Variants in CACNA1E observed in about 807,000 individuals in gnomAD.
The protein encoded by CACNA1E is voltage-dependent R-type calcium channel subunit alpha-1E.
Under a neutral mutation model 259.2 loss-of-function variants are expected in CACNA1E, and 40 were observed. The ratio of observed to expected loss-of-function variants is 0.15; its 90% confidence interval spans 0.12 to 0.20. The LOEUF is 0.20. Among genes scored for constraint, CACNA1E ranks in the 10% least tolerant of loss-of-function variants. The pLI is 1.00. For missense variants in CACNA1E, 1,874 were observed against 3,040.1 expected, an observed-to-expected ratio of 0.62 and a Z score of 9.02; for synonymous variants, 1,104 against 1,138.5, an observed-to-expected ratio of 0.97 and a Z score of 0.61.
intron 7 of CACNA1E, among the ~76,000 whole-genome samples, chr1:181,654,742 T>G (rs886829359): frequency 2.6e-5 from 4 of 152,170 alleles, no homozygotes; most frequent in African/African-American, 9.7e-5. Context: ...CCCAGCACTT[T>G]GGGAGGCCGA....
In CACNA1E at chr1:181,798,221, C is replaced by A; in HGVS notation, c.6400-71C>A. On this transcript the variant is annotated intron_variant, in intron 47 of 47. Coordinates refer to ENST00000367573, the MANE Select transcript of CACNA1E (RefSeq NM_001205293.3). This position sits in a 1 kb window ranked among gnomAD's most constrained non-coding sequence, Gnocchi z 4.2. Reference sequence around the variant, plus strand: ...TGACAGAATTCAGATTCCAAGGACTCTCTTAACAGAGTTGCAAGTAGGGAT... The same window carrying A: ...TGACAGAATTCAGATTCCAAGGACTATCTTAACAGAGTTGCAAGTAGGGAT... 1 of 1,290,194 alleles carries A rather than the reference C, an allele frequency of 7.8e-7. No homozygotes were observed. The highest frequency in any genetic ancestry group is 1.1e-6 in the Non-Finnish European group (1 of 928,278). 79.9% of individuals were successfully genotyped at this position (1,290,194 alleles called of 1,614,324 possible).
At chr1:181,713,785 C>G (rs1653628304) in intron 8 of CACNA1E, among the ~76,000 whole-genome samples, 1 of 152,148 alleles carries the variant, frequency 6.6e-6, no homozygotes, top group Non-Finnish European at 1.5e-5. Flanking sequence ...CAGGATCCCA[C>G]CAGACTTGGG....
At chr1:181,782,223 A>T (rs1448865918) in intron 39 of CACNA1E, among the ~76,000 whole-genome samples, 1 of 152,254 alleles carries the variant, frequency 6.6e-6, no homozygotes, top group African/African-American at 2.4e-5. Context: ...ATTCAGCATT[A>T]AATTTGACTT....
intron 7 of CACNA1E, among the ~76,000 whole-genome samples, chr1:181,673,451 A>T (rs1649021980): frequency 6.6e-6 from 1 of 152,078 alleles, no homozygotes; most frequent in Non-Finnish European, 1.5e-5. Context: ...GCCCGAGGGG[A>T]TATGGGGTGG....
Position 181,733,463 on chromosome 1 carries a change from G to A in CACNA1E, c.2975G>A (p.Gly992Asp), listed in dbSNP as rs1391271201. Residue 992 changes from glycine (G) to aspartate (D), a missense_variant, in exon 21 of 48, where the codon GGC becomes GAC. Gly to Asp is a moderately conservative substitution (Grantham distance 94). Transcript: ENST00000367573. ...ACCAACAGTCTGATGGTGTCCAGAG[G>A]CTCCGGGCTGGCAGGAGGCCTTGAT... is the stretch of plus-strand genomic sequence containing the variant. ...RRTNSLMVSR[G>D]SGLAGGLDEA... is the part of the protein sequence containing the mutation. 1.9e-6 allele frequency: 3 copies of A among 1,550,718 alleles called. No individual in the cohort carries two copies. Among genetic ancestry groups the A allele is most frequent in the Non-Finnish European group, 1.7e-6 (2 of 1,147,066 alleles).
chr1:181,562,388 T>A (rs1162569065), intron 3 of CACNA1E, among the ~76,000 whole-genome samples: 3 of 152,068 alleles, frequency 2.0e-5, no homozygotes, highest in African/African-American at 7.3e-5. Context: ...GCTATGGAAC[T>A]TTTTTTCATA....
At chr1:181,349,925 G>T (rs933342102) in intron 1 of CACNA1E, among the ~76,000 whole-genome samples, 3 of 152,192 alleles carry the variant, frequency 2.0e-5, no homozygotes, top group Non-Finnish European at 4.4e-5. Flanking sequence ...GTATCCTGGC[G>T]TGTAGTTGGC....
At chr1:181,409,698 C>T (rs1010473740) in intron 1 of CACNA1E, among the ~76,000 whole-genome samples, 1 of 152,056 alleles carries the variant, frequency 6.6e-6, no homozygotes, top group Non-Finnish European at 1.5e-5. Context: ...CTAGCCAGAA[C>T]TGGGGACTGA....
chr1:181,676,335 A>G (rs1649373145), intron 7 of CACNA1E, among the ~76,000 whole-genome samples: 1 of 152,268 alleles, frequency 6.6e-6, no homozygotes. Context: ...AGTCGTGTTC[A>G]TGTTTTCCTC....
intron 6 of CACNA1E, among the ~76,000 whole-genome samples, chr1:181,602,470 A>G (rs923518740): frequency 6.6e-6 from 1 of 152,212 alleles, no homozygotes; most frequent in African/African-American, 2.4e-5. Flanking sequence ...TTGGTTCTCA[A>G]AAAGTTTTGG....
At position 181,776,190 on chromosome 1, in the gene CACNA1E, G is replaced by A. The variant is rs1659958118; in HGVS notation, c.5229G>A (p.Glu1743=). The A allele has an allele frequency of 6.2e-7, 1 of 1,613,908 alleles. No homozygotes were observed. The highest frequency in any genetic ancestry group is 1.3e-5 in the African/African-American group (1 of 74,938). The change falls in exon 38 of 48, where the codon GAG becomes GAA. Residue 1743 remains glutamate (E), a synonymous_variant. Transcript: ENST00000367573. This position sits in a 1 kb window ranked among gnomAD's most constrained non-coding sequence, Gnocchi z 4.4. ...SSILGPHHLD[E]FVRVWAEYDR... Reference sequence around the variant, plus strand: ...TCCTGGGGCCTCACCACTTGGACGAGTTTGTCCGCGTCTGGGCAGAATATG... The same window carrying A: ...TCCTGGGGCCTCACCACTTGGACGAATTTGTCCGCGTCTGGGCAGAATATG...
At chr1:181,660,729 T>C (rs557120315) in intron 7 of CACNA1E, among the ~76,000 whole-genome samples, 1 of 152,284 alleles carries the variant, frequency 6.6e-6, no homozygotes, top group East Asian at 1.9e-4. Context: ...AGATGAGATC[T>C]CTGAGGGGAG....
intron 7 of CACNA1E, among the ~76,000 whole-genome samples, chr1:181,685,107 A>G (rs1429532487): frequency 1.3e-5 from 2 of 151,088 alleles, no homozygotes; most frequent in Non-Finnish European, 2.9e-5. Flanking sequence ...GCTGCATAGT[A>G]TATACTAATT....
chr1:181,616,738 CA>C (rs373750849), intron 6 of CACNA1E, among the ~76,000 whole-genome samples: 21 of 148,442 alleles, frequency 1.4e-4, no homozygotes, highest in Non-Finnish European at 2.1e-4. Flanking sequence ...AACAAACAAA[CA>C]AAAAAAAAGG....
At chr1:181,374,080 C>T (rs1453526633) in intron 1 of CACNA1E, among the ~76,000 whole-genome samples, 1 of 152,040 alleles carries the variant, frequency 6.6e-6, no homozygotes. Context: ...TCTAGTTCAT[C>T]TAGGTATGAT....
chr1:181,390,105 C>G (rs1387219939), intron 1 of CACNA1E, among the ~76,000 whole-genome samples: 1 of 152,152 alleles, frequency 6.6e-6, no homozygotes, highest in African/African-American at 2.4e-5. Context: ...GACTGCTGTT[C>G]TTCGTGACGG....
intron 26 of CACNA1E, 27 bp from the exon 27 acceptor site, chr1:181,752,116 G>A: frequency 6.8e-7 from 1 of 1,465,814 alleles, no homozygotes; most frequent in African/African-American, 1.4e-5. Flanking sequence ...CATTCCATAT[G>A]ATTCCCTGGG....
intron 3 of CACNA1E, among the ~76,000 whole-genome samples, chr1:181,538,761 G>C (rs537915967): frequency 6.6e-6 from 1 of 152,256 alleles, no homozygotes; most frequent in Admixed American, 6.5e-5. Context: ...CATTCAGTCA[G>C]GGAAAGTGGA....
At chr1:181,662,530 A>G (rs1572525307) in intron 7 of CACNA1E, among the ~76,000 whole-genome samples, 1 of 152,316 alleles carries the variant, frequency 6.6e-6, no homozygotes, top group East Asian at 1.9e-4. Context: ...TCACTTTTCT[A>G]TACCTTCAGT....
Sources: gnomAD v4.1 joint callset for allele counts (sites outside exome capture counted in the v4.1 genomes callset) on GRCh38, gnomAD v4.1.1 for gene constraint, Gnocchi (gnomAD v3.1) non-coding constraint, MANE v1.5 for transcripts, NCBI Gene and HGNC (gene_info 2026-07-23, HGNC 2026-07-21) for gene names.